The following GPHN variants were observed in gnomAD, a reference collection of about 807,000 sequenced individuals.
GPHN encodes the protein gephyrin.
GPHN carries 17 observed loss-of-function variants against 95.5 expected under a neutral mutation model. The ratio of observed to expected loss-of-function variants is 0.18; its 90% CI spans 0.12 to 0.27. The LOEUF is 0.27. Ranked by LOEUF, GPHN falls within the 10% of genes least tolerant of loss-of-function variation. The pLI is 1.00. For missense variants in GPHN, 660 were observed against 978.1 expected (o/e 0.67, Z 4.34); for synonymous variants, 320 against 322.5 (o/e 0.99, Z 0.08).
chr14:67,279,665 C>T, the GPHN span: 1 of 953,782 alleles, frequency 1.0e-6, no homozygotes, highest in Non-Finnish European at 1.5e-6. Flanking sequence ...GACCAAGATC[C>T]TTTGTTTTCG....
chr14:67,546,134 G>A, the GPHN span, among the ~76,000 whole-genome samples: 3 of 152,036 alleles, frequency 2.0e-5, no homozygotes, highest in Non-Finnish European at 2.9e-5. Context: ...TGTAACCCAG[G>A]TATTTTTACT....
chr14:67,433,737 A>G, the GPHN span, among the ~76,000 whole-genome samples: 4 of 152,230 alleles, frequency 2.6e-5, no homozygotes, highest in African/African-American at 9.6e-5. Flanking sequence ...GGGTAATAGA[A>G]GAGACATACT....
intron 2 of GPHN, chr14:66,709,424 T>A (rs1260231985): frequency 2.2e-6 from 1 of 455,878 alleles, no homozygotes; most frequent in Non-Finnish European, 4.4e-6. Context: ...AGTACTGCGA[T>A]ACCACAATAG....
chr14:66,924,318 T>C (rs763382762), intron 8 of GPHN, 26 bp downstream of exon 8: 2 of 1,263,108 alleles, frequency 1.6e-6, no homozygotes, highest in South Asian at 2.4e-5. Context: ...TTTGCATTAA[T>C]GGTTTTCCAA....
the GPHN span, chr14:67,353,088 A>G: frequency 6.9e-7 from 1 of 1,451,600 alleles, no homozygotes; most frequent in Admixed American, 2.1e-5. Flanking sequence ...ATTGTTTAAA[A>G]GACAAAAAAA....
the GPHN span, among the ~76,000 whole-genome samples, chr14:67,667,974 TGAG>T: frequency 3.1e-4 from 47 of 152,036 alleles, 1 homozygote; most frequent in African/African-American, 1.1e-3. Context: ...ACAAAAAAAA[TGAG>T]GAGTTAGAAT....
chr14:67,126,882 G>A (rs2079352671), intron 17 of GPHN, among the ~76,000 whole-genome samples: 1 of 151,758 alleles, frequency 6.6e-6, no homozygotes, highest in Non-Finnish European at 1.5e-5. Context: ...TTAAGAAAAT[G>A]TGGCACATAT....
the GPHN span, among the ~76,000 whole-genome samples, chr14:67,256,994 C>T: frequency 7.2e-5 from 11 of 152,116 alleles, no homozygotes; most frequent in African/African-American, 2.2e-4. Flanking sequence ...CGACAGGTGC[C>T]CAAGGTGATC....
chr14:67,195,743 G>A, the GPHN span, among the ~76,000 whole-genome samples: 4 of 151,732 alleles, frequency 2.6e-5, no homozygotes, highest in Admixed American at 2.6e-4. Flanking sequence ...GTGTGTGTGT[G>A]TGTGTGTGTG....
rs970531907 is a variant in GPHN at position 66,618,888 on chromosome 14, A to G, written c.65-62219A>G. 2.6e-5 allele frequency among the ~76,000 whole-genome samples: 4 copies of G among 152,186 alleles called. No individual in the cohort carries two copies. In the East Asian group the frequency reaches 5.8e-4, roughly 22 times the overall value. Reference sequence around the variant, plus strand: ...ATCACACTCTACAAGTTTCCCCTCAATTTTTTTGTGATTCTGGGTAATCTT... The same window carrying G: ...ATCACACTCTACAAGTTTCCCCTCAGTTTTTTTGTGATTCTGGGTAATCTT... On this transcript the variant is annotated intron_variant, in intron 1 of 22. Coordinates refer to ENST00000478722, the MANE Select transcript of GPHN (RefSeq NM_020806.5).
chr14:66,894,392 C>T (rs1475186818), intron 5 of GPHN, among the ~76,000 whole-genome samples: 2 of 152,104 alleles, frequency 1.3e-5, no homozygotes, highest in African/African-American at 4.8e-5. Context: ...AATGTAAGAC[C>T]TAAAACCATA....
At chr14:66,678,560 TTTG>T (rs1186217997) in intron 1 of GPHN, among the ~76,000 whole-genome samples, 1 of 151,944 alleles carries the variant, frequency 6.6e-6, no homozygotes, top group African/African-American at 2.4e-5. Context: ...ATTATTTAAA[TTTG>T]TTAAGGTATT....
intron 8 of GPHN, among the ~76,000 whole-genome samples, chr14:66,933,460 G>A (rs994737374): frequency 2.6e-5 from 4 of 152,122 alleles, no homozygotes; most frequent in African/African-American, 9.7e-5. Context: ...TTGAAAGGGA[G>A]CACCTGATTA....
At chr14:67,679,032 T>C in the GPHN span, among the ~76,000 whole-genome samples, 1 of 152,138 alleles carries the variant, frequency 6.6e-6, no homozygotes, top group Admixed American at 6.5e-5. Context: ...TGGGTAACTA[T>C]AATGAGCATA....
At chr14:66,952,741 C>A in intron 8 of GPHN, among the ~76,000 whole-genome samples, 1 of 152,204 alleles carries the variant, frequency 6.6e-6, no homozygotes, top group East Asian at 1.9e-4. Context: ...ATCGCCCAGG[C>A]TGGTGTGCAG....
At chr14:67,224,575 C>T in the GPHN span, 1 of 225,976 alleles carries the variant, frequency 4.4e-6, no homozygotes, top group East Asian at 1.5e-4. Context: ...TCTCTACTTT[C>T]TTAGCTTTAA....
the GPHN span, among the ~76,000 whole-genome samples, chr14:67,231,965 T>A: frequency 7.1e-6 from 1 of 140,900 alleles, no homozygotes; most frequent in East Asian, 2.3e-4. Context: ...TGAGACTGTG[T>A]CTTTAAAAAA....
intron 1 of GPHN, among the ~76,000 whole-genome samples, chr14:66,566,270 G>A (rs1307589727): frequency 1.3e-5 from 2 of 151,942 alleles, no homozygotes; most frequent in Non-Finnish European, 2.9e-5. Context: ...AGGAAGAAAT[G>A]CCACCATTTT....
chr14:66,749,276 G>A (rs2058280028), intron 2 of GPHN, among the ~76,000 whole-genome samples: 1 of 151,836 alleles, frequency 6.6e-6, no homozygotes, highest in Non-Finnish European at 1.5e-5. Flanking sequence ...TACAAGTTTT[G>A]GCCATTATGA....
Sources: gnomAD v4.1 joint callset for allele counts (sites outside exome capture counted in the v4.1 genomes callset) on GRCh38, gnomAD v4.1.1 for gene constraint, MANE v1.5 for transcripts, NCBI Gene and HGNC (gene_info 2026-07-23, HGNC 2026-07-21) for gene names.